The following UBN2 variants were observed in gnomAD, a reference collection of about 807,000 sequenced individuals.
UBN2 encodes the protein ubinuclein 2, also known as ubinuclein-2.
Under a neutral mutation model 120.2 loss-of-function variants are expected in UBN2, and 35 were observed. The ratio of observed to expected loss-of-function variants is 0.29; its 90% CI spans 0.22 to 0.39. The LOEUF (loss-of-function observed/expected upper bound fraction) is 0.39, where lower values mean the gene tolerates loss of function less well. Among genes scored for constraint, UBN2 ranks in the 10% least tolerant of loss-of-function variants. UBN2 has a pLI of 1.00. For synonymous variants in UBN2, 661 were observed against 648.7 expected, an observed-to-expected ratio of 1.02 and a Z score of -0.29; for missense variants, 1,693 against 1,663.2, an observed-to-expected ratio of 1.02 and a Z score of -0.31.
intron 2 of UBN2, among the ~76,000 whole-genome samples, chr7:139,238,494 G>A (rs922373602): frequency 6.6e-6 from 1 of 152,074 alleles, no homozygotes; most frequent in African/African-American, 2.4e-5. Context: ...TGTGATCTTG[G>A]CTCACTGTAA....
At chr7:139,291,399 A>T (rs1010095509) in intron 15 of UBN2, among the ~76,000 whole-genome samples, 3 of 151,750 alleles carry the variant, frequency 2.0e-5, no homozygotes, top group African/African-American at 7.3e-5. Context: ...AAACAAAAAA[A>T]ATACAAATTT....
chr7:139,247,917 A>G (rs147230012), intron 2 of UBN2, among the ~76,000 whole-genome samples: 3 of 152,020 alleles, frequency 2.0e-5, no homozygotes, highest in Admixed American at 6.5e-5. Context: ...TCTCCTTTCA[A>G]CCTTTTTCCT....
chr7:139,317,176 T>C, the UBN2 span, among the ~76,000 whole-genome samples: 3 of 152,084 alleles, frequency 2.0e-5, no homozygotes, highest in Non-Finnish European at 4.4e-5. Flanking sequence ...GGTCTTTTTA[T>C]CATTAATCTG....
chr7:139,252,451 C>CT (rs1796648050), intron 3 of UBN2, among the ~76,000 whole-genome samples: 2 of 152,134 alleles, frequency 1.3e-5, no homozygotes, highest in Non-Finnish European at 2.9e-5. Flanking sequence ...TACAATGAAA[C>CT]TTTATCTATG....
downstream of UBN2, among the ~76,000 whole-genome samples, chr7:139,311,483 C>G (rs1242895219): frequency 6.6e-6 from 1 of 152,234 alleles, no homozygotes; most frequent in Admixed American, 6.5e-5. Flanking sequence ...TCACTCTAGA[C>G]AAGACGCTTT....
At chr7:139,324,799 C>T in the UBN2 span, among the ~76,000 whole-genome samples, 1 of 151,946 alleles carries the variant, frequency 6.6e-6, no homozygotes, top group Admixed American at 6.6e-5. Flanking sequence ...GGCGAAACCC[C>T]GTCTCTACTA....
At chr7:139,243,481 A>G (rs1796377142) in intron 2 of UBN2, among the ~76,000 whole-genome samples, 2 of 152,236 alleles carry the variant, frequency 1.3e-5, no homozygotes, top group Non-Finnish European at 2.9e-5. Context: ...AAGATAGTAT[A>G]ATCCTTTGCC....
rs1168848133 is a variant in UBN2, at chr7:139,304,745, A to C, written c.*6909A>C. On this transcript the variant is annotated 3_prime_UTR_variant, in exon 18 of 18. Transcript: ENST00000473989. Reference sequence around the variant, plus strand: ...TGTGTGTGTGTGTGTGTGTGTCTGTAAGTCACTTTTTGGATTTTTGTTGCT... The same window carrying C: ...TGTGTGTGTGTGTGTGTGTGTCTGTCAGTCACTTTTTGGATTTTTGTTGCT... 3 of 127,392 alleles carry C rather than the reference A, an allele frequency of 2.4e-5. No individual in the cohort carries two copies. The East Asian group carries it at 7.3e-4, about 31-fold the overall frequency. The allele number at this position is 127,392 out of a possible 1,614,324, so 7.9% of individuals were successfully genotyped here.
chr7:139,280,912 G>C (rs1215374858), intron 13 of UBN2, among the ~76,000 whole-genome samples: 1 of 152,160 alleles, frequency 6.6e-6, no homozygotes, highest in Non-Finnish European at 1.5e-5. Flanking sequence ...CCAAAGTGTT[G>C]GGATTACAGG....
chr7:139,232,256 T>G (rs1796045839), intron 1 of UBN2, among the ~76,000 whole-genome samples: 1 of 152,256 alleles, frequency 6.6e-6, no homozygotes. Flanking sequence ...TTCTTTCCTT[T>G]CTGCTCCCCA....
chr7:139,276,262 C>A, intron 12 of UBN2, 115 bp downstream of exon 12: 1 of 1,007,974 alleles, frequency 9.9e-7, no homozygotes, highest in Non-Finnish European at 1.5e-6. Flanking sequence ...TCATTTTGAC[C>A]ATTGACTATT....
chr7:139,324,473 G>A, the UBN2 span, among the ~76,000 whole-genome samples: 4 of 145,180 alleles, frequency 2.8e-5, no homozygotes, highest in African/African-American at 5.1e-5. Flanking sequence ...GGAGAATGGC[G>A]TGAAGCCAGA....
chr7:139,329,771 C>T, the UBN2 span, among the ~76,000 whole-genome samples: 1 of 152,054 alleles, frequency 6.6e-6, no homozygotes, highest in Non-Finnish European at 1.5e-5. Context: ...GAATCCAACT[C>T]TGCTCTAGGC....
chr7:139,281,912 T>G, intron 13 of UBN2, 93 bp from the exon 14 acceptor site: 1 of 1,229,944 alleles, frequency 8.1e-7, no homozygotes, highest in Non-Finnish European at 1.2e-6. Context: ...GTGAGGTTTT[T>G]AATCAGGGGT....
rs1798180716 is a variant in UBN2, at chr7:139,298,757, A to G, written c.*921A>G. The G allele has an allele frequency of 6.6e-6, 1 of 152,062 alleles. No homozygotes were observed. Among genetic ancestry groups the G allele is most frequent in the African/African-American group, 2.4e-5 (1 of 41,392 alleles). 9.4% of individuals were successfully genotyped at this position (152,062 alleles called of 1,614,324 possible). On this transcript the variant is annotated 3_prime_UTR_variant, in exon 18 of 18. Transcript: ENST00000473989. Reference sequence around the variant, plus strand: ...TTTGCTGCTTTTAGCCCTTGCAGCAACATAAACTCTAAGTTTCCCCAGTTC... The same window carrying G: ...TTTGCTGCTTTTAGCCCTTGCAGCAGCATAAACTCTAAGTTTCCCCAGTTC...
Position 139,267,804 on chromosome 7 carries a change from C to T in UBN2, c.1466+1401C>T, listed in dbSNP as rs187794185. Among the ~76,000 whole-genome samples, 1,018 of 152,218 alleles carry T rather than the reference C, an allele frequency of 6.7e-3. 7 individuals are homozygous for T. Among genetic ancestry groups the T allele is most frequent in the Non-Finnish European group, 0.01 (705 of 68,012 alleles). ...GGCAGAGGAGTTTCTCATTTCTGTTCCTAGTTACTTTAACCAGGAATTTTC... is the reference window on the plus strand; with the variant it reads ...GGCAGAGGAGTTTCTCATTTCTGTTTCTAGTTACTTTAACCAGGAATTTTC... On this transcript the variant is annotated intron_variant, in intron 7 of 17. Coordinates refer to ENST00000473989, the MANE Select transcript of UBN2 (RefSeq NM_173569.4).
intron 11 of UBN2, among the ~76,000 whole-genome samples, chr7:139,275,203 G>A (rs1350875639): frequency 6.7e-5 from 10 of 149,620 alleles, no homozygotes; most frequent in African/African-American, 9.9e-5. Context: ...ACTTGAACCC[G>A]GGAGGCAGAG....
At chr7:139,329,416 AC>A in the UBN2 span, among the ~76,000 whole-genome samples, 2 of 151,888 alleles carry the variant, frequency 1.3e-5, no homozygotes, top group African/African-American at 2.4e-5. Context: ...TGTTGCTTGG[AC>A]CCTAGCCCAA....
At chr7:139,264,305 T>C (rs985378049) in intron 6 of UBN2, among the ~76,000 whole-genome samples, 1 of 152,200 alleles carries the variant, frequency 6.6e-6, no homozygotes, top group African/African-American at 2.4e-5. Flanking sequence ...TATCTATGGT[T>C]ATTTTTTTCC....
Sources: gnomAD v4.1 joint callset for allele counts (sites outside exome capture counted in the v4.1 genomes callset) on GRCh38, gnomAD v4.1.1 for gene constraint, MANE v1.5 for transcripts, NCBI Gene and HGNC (gene_info 2026-07-23, HGNC 2026-07-21) for gene names.